DAB1: variants seen among roughly 807,000 people sequenced by gnomAD.
DAB1 encodes DAB adaptor protein 1.
In DAB1, 15 loss-of-function variants were observed where a neutral mutation model predicts 64.6. The ratio of observed to expected loss-of-function variants is 0.23; its 90% CI spans 0.16 to 0.36. The LOEUF is 0.36. Among genes scored for constraint, DAB1 ranks in the 10% least tolerant of loss-of-function variants. The pLI, the probability that DAB1 is intolerant of heterozygous loss-of-function variation, is 1.00. For missense variants in DAB1, 596 were observed against 706.7 expected (o/e 0.84, Z 1.78); for synonymous variants, 235 against 251.9 (o/e 0.93, Z 0.64).
chr1:57,447,090 T>C (rs1220781602), intron 7 of DAB1, among the ~76,000 whole-genome samples: 2 of 152,232 alleles, frequency 1.3e-5, no homozygotes, highest in Non-Finnish European at 2.9e-5. Flanking sequence ...ATACTAGTTC[T>C]CTTCCAAAGT....
chr1:57,142,288 A>G (rs1470494537), intron 3 of DAB1, among the ~76,000 whole-genome samples: 2 of 151,872 alleles, frequency 1.3e-5, no homozygotes, highest in African/African-American at 4.8e-5. Flanking sequence ...CATATGGCCT[A>G]ACGTGAGTAA....
Position 58,225,420 on chromosome 1 carries a change from TA to T in DAB1, n.310-74833del, listed in dbSNP as rs1659413479. ...TCAGTGTGGCGATTCCTCAGGGATC[TA>T]GAACTAGAAATACCATTTGACCCAG... On this transcript the variant is annotated intron_variant and non_coding_transcript_variant, in intron 4 of 20. Transcript: ENST00000485760. Among the ~76,000 whole-genome samples the T allele has an allele frequency of 2.6e-5, 4 of 151,996 alleles. No individual in the cohort carries two copies. The East Asian group carries it at 7.8e-4, about 29-fold the overall frequency.
intron 5 of DAB1, among the ~76,000 whole-genome samples, chr1:57,931,894 G>C (rs1283370157): frequency 6.6e-6 from 1 of 151,714 alleles, no homozygotes; most frequent in Non-Finnish European, 1.5e-5. Flanking sequence ...GCTTAATTTG[G>C]CTTTAATTTT....
At chr1:57,566,277 T>C (rs1219359802) in intron 7 of DAB1, among the ~76,000 whole-genome samples, 2 of 152,084 alleles carry the variant, frequency 1.3e-5, no homozygotes, top group Non-Finnish European at 2.9e-5. Context: ...TTCAAAGCAG[T>C]GTGTAGAGGG....
chr1:58,206,261 G>A (rs1420864461), intron 4 of DAB1, among the ~76,000 whole-genome samples: 2 of 152,152 alleles, frequency 1.3e-5, no homozygotes, highest in African/African-American at 2.4e-5. Context: ...CCAGGTCATA[G>A]GTAGGTTGCA....
chr1:57,522,064 C>T (rs1344719251), intron 7 of DAB1, among the ~76,000 whole-genome samples: 2 of 151,776 alleles, frequency 1.3e-5, no homozygotes, highest in East Asian at 1.9e-4. Flanking sequence ...GAGCTGAGAT[C>T]GTGCCACTGC....
At chr1:57,637,120 G>T (rs571913728) in intron 7 of DAB1, among the ~76,000 whole-genome samples, 1 of 152,106 alleles carries the variant, frequency 6.6e-6, no homozygotes, top group African/African-American at 2.4e-5. Context: ...TTAAAAATGG[G>T]ATAAGATGAG....
intron 7 of DAB1, among the ~76,000 whole-genome samples, chr1:57,633,638 A>G (rs1010741439): frequency 2.0e-5 from 3 of 152,280 alleles, no homozygotes; most frequent in African/African-American, 7.2e-5. Context: ...TCAGCCCAAC[A>G]ATCTCTACTT....
chr1:57,816,809 C>T (rs1447456713), intron 6 of DAB1, among the ~76,000 whole-genome samples: 1 of 152,174 alleles, frequency 6.6e-6, no homozygotes, highest in African/African-American at 2.4e-5. Flanking sequence ...GCAATGTTGA[C>T]ACAAATATGT....
rs370053361 is a variant in DAB1, at chr1:57,925,308, A to G, written n.388-41146T>C. ...AAAAGCCTTGGCCTTCTATGTCATG[A>G]GAACCTTTTCAAGCCACTGGTTATA... On this transcript the variant is annotated intron_variant and non_coding_transcript_variant, in intron 5 of 20. Coordinates refer to the DAB1 transcript ENST00000485760. 6.2e-4 allele frequency among the ~76,000 whole-genome samples: 94 copies of G among 152,352 alleles called. 2 individuals carry two copies. The highest frequency in any genetic ancestry group is 2.3e-3 in the African/African-American group (94 of 41,584).
chr1:57,696,712 G>A (rs141411982), intron 6 of DAB1, among the ~76,000 whole-genome samples: 30 of 152,244 alleles, frequency 2.0e-4, no homozygotes, highest in African/African-American at 6.0e-4. Flanking sequence ...CTACACAAGC[G>A]TGATCTTACC....
At chr1:58,273,818 T>C (rs1218772491) in intron 4 of DAB1, among the ~76,000 whole-genome samples, 1 of 109,088 alleles carries the variant, frequency 9.2e-6, no homozygotes, top group Non-Finnish European at 1.8e-5. Flanking sequence ...CTGAGGCTTC[T>C]GCATTCTTCA....
At chr1:58,158,580 C>A (rs1357912930) in intron 4 of DAB1, among the ~76,000 whole-genome samples, 1 of 152,266 alleles carries the variant, frequency 6.6e-6, no homozygotes, top group South Asian at 2.1e-4. Flanking sequence ...GGGAGTACAG[C>A]AAGTCAGACT....
At chr1:57,053,376 T>C (rs567839392) in intron 9 of DAB1, among the ~76,000 whole-genome samples, 1 of 151,988 alleles carries the variant, frequency 6.6e-6, no homozygotes, top group Admixed American at 6.6e-5. Flanking sequence ...GGCCCCCGAG[T>C]AGCTAGGACT....
chr1:58,034,603 C>T (rs575895795), intron 5 of DAB1, among the ~76,000 whole-genome samples: 26 of 152,124 alleles, frequency 1.7e-4, no homozygotes, highest in Non-Finnish European at 3.4e-4. Flanking sequence ...AAGGTGAGTT[C>T]GAATTGGAAA....
chr1:57,267,787 C>T (rs1224223181), intron 2 of DAB1, among the ~76,000 whole-genome samples: 1 of 152,150 alleles, frequency 6.6e-6, no homozygotes, highest in East Asian at 1.9e-4. Flanking sequence ...AAACACATAT[C>T]GGGAAACACA....
chr1:58,056,534 T>A, intron 5 of DAB1: 3 of 949,202 alleles, frequency 3.2e-6, no homozygotes, highest in Non-Finnish European at 5.1e-6. Context: ...TTGGGTTATG[T>A]CACCTTGCTC....
chr1:57,733,197 G>A (rs1338882967), intron 6 of DAB1, among the ~76,000 whole-genome samples: 1 of 151,948 alleles, frequency 6.6e-6, no homozygotes, highest in Admixed American at 6.6e-5. Context: ...ATTTAAAATT[G>A]CAACTTGCTC....
At position 57,700,627 on chromosome 1, in the gene DAB1, C is replaced by T. The variant is rs72912433; in HGVS notation, n.552-50962G>A. On this transcript the variant is annotated intron_variant and non_coding_transcript_variant, in intron 6 of 20. Coordinates refer to the DAB1 transcript ENST00000485760. ...GCTTTTAGTATCTTCTCTTTGTCCT[C>T]GATCTTTGAGACTTTTATTTTTATA... 2.1e-3 allele frequency among the ~76,000 whole-genome samples: 324 copies of T among 152,256 alleles called. 1 individual carries two copies. Among genetic ancestry groups the T allele is most frequent in the African/African-American group, 7.2e-3 (299 of 41,550 alleles).
Sources: allele counts gnomAD v4.1 joint callset (sites outside exome capture counted in the v4.1 genomes callset), GRCh38; gene constraint gnomAD v4.1.1; transcripts MANE v1.5; gene names NCBI Gene and HGNC (gene_info 2026-07-23, HGNC 2026-07-21).